The following GBA1 variants were observed in gnomAD, a reference collection of about 807,000 sequenced individuals.
GBA1 encodes glucosylceramidase beta 1, also known as lysosomal acid glucosylceramidase.
chr1:155,236,751 T>C, the GBA1 span, among the ~76,000 whole-genome samples: 32 of 151,506 alleles, frequency 2.1e-4, 1 homozygote, highest in Admixed American at 1.8e-3. Context: ...CCCAGCTAAT[T>C]TGTGTGTGTA....
chr1:155,235,963 A>G, the GBA1 span: 1 of 1,141,494 alleles, frequency 8.8e-7, no homozygotes, highest in Non-Finnish European at 1.3e-6. Flanking sequence ...TGAGGGGCAC[A>G]TTCCTTAGTA....
the GBA1 span, chr1:155,237,927 TAAAA>T: frequency 3.2e-5 from 20 of 632,520 alleles, no homozygotes; most frequent in South Asian, 4.1e-4. Context: ...AGAAGAAAAA[TAAAA>T]AGAAAGTGGG....
the GBA1 span, chr1:155,237,859 G>A: frequency 2.3e-5 from 15 of 656,836 alleles, no homozygotes; most frequent in Admixed American, 2.3e-4. Context: ...TGAAGATGGC[G>A]CCACAGCACT....
chr1:155,242,032 C>A, the GBA1 span, among the ~76,000 whole-genome samples: 1 of 152,172 alleles, frequency 6.6e-6, no homozygotes, highest in African/African-American at 2.4e-5. Context: ...TGAACCACAT[C>A]AAATGAGATT....
At chr1:155,235,834 T>A in the GBA1 span, 1 of 1,614,186 alleles carries the variant, frequency 6.2e-7, no homozygotes, top group Non-Finnish European at 8.5e-7. Flanking sequence ...GACCACATGG[T>A]ACAGGAGGTT....
chr1:155,243,739 A>G, the GBA1 span, among the ~76,000 whole-genome samples: 1 of 151,694 alleles, frequency 6.6e-6, no homozygotes, highest in Admixed American at 6.6e-5. Flanking sequence ...TGCTGGGATT[A>G]CAGGGTGAGG....
At chr1:155,236,535 G>T in the GBA1 span, 1 of 1,318,884 alleles carries the variant, frequency 7.6e-7, no homozygotes, top group South Asian at 1.2e-5. Context: ...AGTTCCTGTT[G>T]TAGGAATCCT....
chr1:155,236,344 G>C, the GBA1 span: 1 of 1,614,230 alleles, frequency 6.2e-7, no homozygotes, highest in East Asian at 2.2e-5. Flanking sequence ...CTGAGGCAAA[G>C]AGCATGGTGT....
At chr1:155,242,252 T>TA in the GBA1 span, among the ~76,000 whole-genome samples, 2 of 152,238 alleles carry the variant, frequency 1.3e-5, no homozygotes, top group African/African-American at 2.4e-5. Flanking sequence ...AGACAGAGTC[T>TA]CACTCTGTTG....
chr1:155,236,530 C>T, the GBA1 span: 2 of 1,333,164 alleles, frequency 1.5e-6, no homozygotes, highest in African/African-American at 1.4e-5. Flanking sequence ...CTTCTAGTTC[C>T]TGTTGTAGGA....
the GBA1 span, chr1:155,236,160 A>G: frequency 2.5e-6 from 3 of 1,196,848 alleles, no homozygotes; most frequent in Admixed American, 5.8e-5. Context: ...GGAAAGCTGG[A>G]CAGGAAGGGC....
At chr1:155,241,653 T>A in the GBA1 span, among the ~76,000 whole-genome samples, 1 of 152,164 alleles carries the variant, frequency 6.6e-6, no homozygotes, top group Non-Finnish European at 1.5e-5. Flanking sequence ...CACAGATATT[T>A]ACAGATAAAG....
At chr1:155,235,581 G>A in the GBA1 span, 1 of 1,342,958 alleles carries the variant, frequency 7.4e-7, no homozygotes, top group East Asian at 2.5e-5. Context: ...GTTCCACCCT[G>A]AACACCTTCC....
chr1:155,241,234 C>T, the GBA1 span: 6 of 898,580 alleles, frequency 6.7e-6, no homozygotes, highest in Middle Eastern at 2.2e-4. Flanking sequence ...ACTAGGTTAG[C>T]CCTGCAAGTA....
chr1:155,240,402 T>C, the GBA1 span: 1 of 612,204 alleles, frequency 1.6e-6, no homozygotes, highest in South Asian at 1.9e-5. Flanking sequence ...AGGCAGAGGT[T>C]GGAATGAGCC....
chr1:155,238,039 G>C, the GBA1 span: 1 of 1,341,788 alleles, frequency 7.5e-7, no homozygotes, highest in African/African-American at 1.4e-5. Flanking sequence ...AGGACAGGCA[G>C]ATCTGGAAGT....
chr1:155,239,558 G>T, the GBA1 span: 2 of 1,600,986 alleles, frequency 1.2e-6, no homozygotes, highest in Admixed American at 3.4e-5. Flanking sequence ...TTTAAAAAAA[G>T]AAAAGAAAAA....
At chr1:155,235,389 G>A in the GBA1 span, 11 of 1,561,684 alleles carry the variant, frequency 7.0e-6, 1 homozygote, top group South Asian at 8.1e-5. Context: ...ACCCACCCAC[G>A]GACCCACCCC....
At chr1:155,239,933 C>T in the GBA1 span, 4 of 1,614,074 alleles carry the variant, frequency 2.5e-6, no homozygotes, top group Non-Finnish European at 3.4e-6. Flanking sequence ...CAGCTCCATC[C>T]GTCGCCCACT....
Sources: gnomAD v4.1 joint callset for allele counts (sites outside exome capture counted in the v4.1 genomes callset) on GRCh38, gnomAD v4.1.1 for gene constraint, MANE v1.5 for transcripts, NCBI Gene and HGNC (gene_info 2026-07-23, HGNC 2026-07-21) for gene names.